Variants in UNC79 observed in about 807,000 individuals in gnomAD.
UNC79 encodes the protein unc-79 subunit of NALCN channel complex.
In UNC79, 37 loss-of-function variants were observed where a neutral mutation model predicts 283.1. The observed-to-expected ratio is 0.13, with a 90% CI of 0.10 to 0.17. The LOEUF is 0.17. Ranked by LOEUF, UNC79 falls within the 10% of genes least tolerant of loss-of-function variation. The pLI is 1.00. For missense variants in UNC79, 2,272 were observed against 3,211.1 expected (o/e 0.71, Z 7.07); for synonymous variants, 1,107 against 1,200.2 (o/e 0.92, Z 1.61).
At chr14:93,375,783 C>A (rs1190023244) in intron 1 of UNC79, among the ~76,000 whole-genome samples, 1 of 152,208 alleles carries the variant, frequency 6.6e-6, no homozygotes, top group Non-Finnish European at 1.5e-5. Context: ...CTAAACCATT[C>A]ATGACGGATT....
exon 14 of UNC79, chr14:93,542,655 A>G: frequency 1.2e-6 from 2 of 1,614,188 alleles, no homozygotes; most frequent in Non-Finnish European, 1.7e-6. Flanking sequence ...CTTCGATGTC[A>G]TGGTCATGTG....
intron 19 of UNC79, 30 bp downstream of exon 19, chr14:93,580,406 T>C (rs1459576322): frequency 6.9e-6 from 11 of 1,599,234 alleles, no homozygotes; most frequent in Non-Finnish European, 9.4e-6. Flanking sequence ...AGATGACCCA[T>C]GTATAATAGC....
At chr14:93,673,219 A>T in intron 40 of UNC79, 132 bp from the exon 44 acceptor site, 2 of 705,250 alleles carry the variant, frequency 2.8e-6, no homozygotes, top group Admixed American at 6.3e-5. Context: ...TTTCTTGAGG[A>T]CACTTCACTA....
chr14:93,582,390 C>T (rs1487433327), intron 20 of UNC79, 46 bp downstream of exon 20: 5 of 1,598,162 alleles, frequency 3.1e-6, no homozygotes, highest in Non-Finnish European at 3.4e-6. Context: ...TGCACATGGC[C>T]TGATGCTCAA....
chr14:93,408,787 T>C (rs2055278376), intron 1 of UNC79, among the ~76,000 whole-genome samples: 1 of 152,160 alleles, frequency 6.6e-6, no homozygotes, highest in South Asian at 2.1e-4. Context: ...ATGTTAGTAA[T>C]GGGAAAAACT....
chr14:93,429,837 C>A (rs559403899), upstream of UNC79, among the ~76,000 whole-genome samples: 17 of 152,322 alleles, frequency 1.1e-4, 1 homozygote, highest in African/African-American at 3.4e-4. Flanking sequence ...ACTTGCGCAT[C>A]CATTCGATCT....
chr14:93,529,506 A>G (rs1027138835), intron 10 of UNC79, among the ~76,000 whole-genome samples, 180 bp downstream of exon 10: 9 of 152,218 alleles, frequency 5.9e-5, no homozygotes, highest in African/African-American at 1.4e-4. Flanking sequence ...CACACATTTA[A>G]TAATGCGGGA....
intron 41 of UNC79, among the ~76,000 whole-genome samples, chr14:93,674,007 G>A (rs994580382): frequency 1.3e-5 from 2 of 152,146 alleles, no homozygotes; most frequent in Non-Finnish European, 2.9e-5. Context: ...GCAGGCTTTC[G>A]AGAACTGGCA....
At chr14:93,471,038 C>T (rs1314244168) in intron 2 of UNC79, among the ~76,000 whole-genome samples, 3 of 152,100 alleles carry the variant, frequency 2.0e-5, no homozygotes, top group Admixed American at 6.6e-5. Flanking sequence ...AATCTTTTAA[C>T]GAAATTACAT....
chr14:93,464,567 G>A lies in UNC79; in HGVS notation c.23-3104G>A, dbSNP rs941997267. The A allele has an allele frequency of 3.5e-5, 16 of 456,120 alleles. No individual in the cohort carries two copies. In the Middle Eastern group the frequency reaches 9.7e-4, roughly 28 times the overall value. 28.3% of individuals were successfully genotyped at this position (456,120 alleles called of 1,614,324 possible). A position where few individuals can be genotyped will look rare whatever the true frequency, so the allele number is the denominator to read the frequency against. Reference sequence around the variant, plus strand: ...AGGTTTCAACATATGAATTCTAAGCGCCACAAAATTCAGTCAATAACAGAT... The same window carrying A: ...AGGTTTCAACATATGAATTCTAAGCACCACAAAATTCAGTCAATAACAGAT... On this transcript the variant is annotated intron_variant, in intron 1 of 48. Coordinates refer to ENST00000555664, the Ensembl canonical transcript of UNC79.
At chr14:93,608,976 T>G (rs2066093576) in intron 26 of UNC79, among the ~76,000 whole-genome samples, 1 of 152,212 alleles carries the variant, frequency 6.6e-6, no homozygotes, top group African/African-American at 2.4e-5. Context: ...ATTGGAGTAT[T>G]AAGGCAAATG....
exon 26 of UNC79, chr14:93,603,302 G>A (rs1286171226): frequency 6.2e-7 from 1 of 1,614,198 alleles, no homozygotes; most frequent in East Asian, 2.2e-5. Flanking sequence ...AAGATCAAGA[G>A]AGCTCGCTTT....
At chr14:93,404,917 G>A (rs1185664470) in intron 1 of UNC79, among the ~76,000 whole-genome samples, 4 of 151,994 alleles carry the variant, frequency 2.6e-5, no homozygotes, top group Non-Finnish European at 4.4e-5. Flanking sequence ...ATATAGATAT[G>A]TATTGGAAAT....
intron 1 of UNC79, among the ~76,000 whole-genome samples, chr14:93,348,617 C>T (rs918846527): frequency 6.6e-6 from 1 of 151,084 alleles, no homozygotes; most frequent in African/African-American, 2.5e-5. Flanking sequence ...TTCTTTGCCT[C>T]TTTAAATGAC....
intron 12 of UNC79, among the ~76,000 whole-genome samples, chr14:93,538,542 C>T (rs2061198658): frequency 6.6e-6 from 1 of 151,976 alleles, no homozygotes; most frequent in Non-Finnish European, 1.5e-5. Context: ...TCAGTAATAG[C>T]ATTGAGGAAA....
At chr14:93,570,340 A>G (rs1172700616) in intron 14 of UNC79, among the ~76,000 whole-genome samples, 5 of 152,342 alleles carry the variant, frequency 3.3e-5, no homozygotes, top group Middle Eastern at 6.8e-3. Context: ...TCTAACTGAC[A>G]TGGAAACCAA....
At chr14:93,493,899 A>ATTTTTTTT (rs1298223300) in intron 5 of UNC79, among the ~76,000 whole-genome samples, 3 of 60,284 alleles carry the variant, frequency 5.0e-5, no homozygotes, top group African/African-American at 6.9e-5. Flanking sequence ...ATATATATAT[A>ATTTTTTTT]TATTTTTTTT....
intron 24 of UNC79, among the ~76,000 whole-genome samples, chr14:93,598,057 A>G (rs1014138304): frequency 3.3e-5 from 5 of 151,904 alleles, no homozygotes; most frequent in African/African-American, 1.2e-4. Context: ...GCTGATCATA[A>G]CTCTCTGCAG....
chr14:93,353,485 C>G (rs1350340271), intron 1 of UNC79, among the ~76,000 whole-genome samples: 1 of 152,170 alleles, frequency 6.6e-6, no homozygotes, highest in Non-Finnish European at 1.5e-5. Context: ...GTCTTAGCCT[C>G]TCTTTTTTTC....
Sources: allele counts gnomAD v4.1 joint callset (sites outside exome capture counted in the v4.1 genomes callset), GRCh38; gene constraint gnomAD v4.1.1; transcripts MANE v1.5; gene names NCBI Gene and HGNC (gene_info 2026-07-23, HGNC 2026-07-21).